Variants in GK5 observed in about 807,000 individuals in gnomAD.
GK5 encodes the protein ATP:glycerol 3-phosphotransferase 5.
In GK5, 39 loss-of-function variants were observed where a neutral mutation model predicts 77.3. That is an observed-to-expected ratio of 0.50 (90% CI 0.39 to 0.66). The LOEUF (loss-of-function observed/expected upper bound fraction) is 0.66, where lower values mean the gene tolerates loss of function less well. Ranked by LOEUF, GK5 falls within the 30% of genes least tolerant of loss-of-function variation. The probability of loss-of-function intolerance (pLI) is 0.00; values close to 1 mark genes in which losing one functional copy is unlikely to be tolerated. For synonymous variants in GK5, 211 were observed against 208.0 expected, an observed-to-expected ratio of 1.01 and a Z score of -0.13; for missense variants, 487 against 633.8, an observed-to-expected ratio of 0.77 and a Z score of 2.49.
In GK5 at chr3:142,159,853, C is replaced by CTCTCTCTCTTTTTT. The variant is rs1553825247; in HGVS notation, c.*5768_*5769insAAAAAAGAGAGAGA. 6.8e-4 allele frequency: 72 copies of CTCTCTCTCTTTTTT among 106,118 alleles called. No individual in the cohort carries two copies. Among genetic ancestry groups the CTCTCTCTCTTTTTT allele is most frequent in the African/African-American group, 2.9e-3 (70 of 24,286 alleles). The allele number at this position is 106,118 out of a possible 1,614,324, so 6.6% of individuals were successfully genotyped here. A position where few individuals can be genotyped will look rare whatever the true frequency, so the allele number is the denominator to read the frequency against. On this transcript the variant is annotated 3_prime_UTR_variant, in exon 16 of 16. Transcript: ENST00000392993. ...TTTCTCTCTCTCTCTCTCTCTCTCT[C>CTCTCTCTCTTTTTT]TTTTTTTTTTTTGAGACAGAGTCTC...
At position 142,189,125 on chromosome 3, in the gene GK5, T is replaced by C. The variant is rs546225712; in HGVS notation, c.544-1346A>G. Among the ~76,000 whole-genome samples the C allele has an allele frequency of 2.6e-5, 4 of 152,310 alleles. No homozygotes were observed. In the South Asian group the frequency reaches 8.3e-4, roughly 32 times the overall value. On this transcript the variant is annotated intron_variant, in intron 5 of 15. Coordinates refer to ENST00000392993, the MANE Select transcript of GK5 (RefSeq NM_001039547.3). ...TCTCACACCATTACTGCCTCTCTACTAGACCCTTAGCTCTTTAAGGGCAGG... is the reference window on the plus strand; with the variant it reads ...TCTCACACCATTACTGCCTCTCTACCAGACCCTTAGCTCTTTAAGGGCAGG...
intron 11 of GK5, among the ~76,000 whole-genome samples, chr3:142,178,299 A>T (rs995877474): frequency 6.6e-6 from 1 of 152,218 alleles, no homozygotes; most frequent in Non-Finnish European, 1.5e-5. Flanking sequence ...ATAATACCCA[A>T]GAAAATTAAC....
intron 3 of GK5, among the ~76,000 whole-genome samples, chr3:142,207,968 C>A (rs1161550935): frequency 6.6e-6 from 1 of 152,188 alleles, no homozygotes; most frequent in East Asian, 1.9e-4. Context: ...ATCATGAGTA[C>A]AAATCAGAGG....
Position 142,215,792 on chromosome 3 carries a change from TTTA to T in GK5, c.148-103_148-101del. On this transcript the variant is annotated intron_variant, in intron 1 of 15. Transcript: ENST00000392993. ...TACTGGTTAAAATAATTAACATGAT[TTTA>T]TTATCTAATTAATTTTTATTGTTAA... is the stretch of plus-strand genomic sequence containing the variant. 5 of 594,858 alleles carry T rather than the reference TTTA, an allele frequency of 8.4e-6. No homozygotes were observed. The South Asian group carries it at 1.2e-4, about 14-fold the overall frequency. The allele number at this position is 594,858 out of a possible 1,614,324, so 36.8% of individuals were successfully genotyped here.
intron 5 of GK5, among the ~76,000 whole-genome samples, chr3:142,195,151 T>C (rs9829836): frequency 0.22 from 33,495 of 151,934 alleles, 4,111 homozygotes; most frequent in African/African-American, 0.34. Context: ...TTTATTCTAT[T>C]AATATGGTGT....
At chr3:142,222,015 T>C (rs1055029438) in intron 1 of GK5, among the ~76,000 whole-genome samples, 4 of 152,244 alleles carry the variant, frequency 2.6e-5, no homozygotes, top group Admixed American at 1.3e-4. Flanking sequence ...TTTAGGTTTC[T>C]ATTATACATT....
At chr3:142,213,919 T>C (rs765101205) in intron 2 of GK5, among the ~76,000 whole-genome samples, 2 of 152,022 alleles carry the variant, frequency 1.3e-5, no homozygotes, top group Non-Finnish European at 2.9e-5. Flanking sequence ...GCCTCCCGGG[T>C]TCAAGCAATT....
rs755121876 is a variant in GK5, at chr3:142,216,146, C to T, written c.148-454G>A. ...TAAAAAGTATATGGCAGCAGGTGGACTGGGGAAGTAGATAAGAATTCAGGT... is the reference window on the plus strand; with the variant it reads ...TAAAAAGTATATGGCAGCAGGTGGATTGGGGAAGTAGATAAGAATTCAGGT... On this transcript the variant is annotated intron_variant, in intron 1 of 15. Transcript: ENST00000392993. 1.7e-4 allele frequency among the ~76,000 whole-genome samples: 26 copies of T among 152,206 alleles called. 1 individual carries two copies. The highest frequency in any genetic ancestry group is 3.7e-4 in the Non-Finnish European group (25 of 68,010).
At chr3:142,200,158 T>C (rs1023996005) in intron 4 of GK5, among the ~76,000 whole-genome samples, 6 of 151,936 alleles carry the variant, frequency 3.9e-5, no homozygotes, top group Non-Finnish European at 7.4e-5. Context: ...GTTTTTGGTT[T>C]TTTTTGAGAC....
intron 14 of GK5, among the ~76,000 whole-genome samples, chr3:142,170,937 AT>A (rs2108780664): frequency 6.6e-6 from 1 of 152,244 alleles, no homozygotes; most frequent in Non-Finnish European, 1.5e-5. Context: ...ATGACCAAGA[AT>A]TTTGTTGTAG....
intron 3 of GK5, among the ~76,000 whole-genome samples, chr3:142,207,724 C>G (rs1340055270): frequency 6.6e-6 from 1 of 152,128 alleles, no homozygotes. Context: ...AAGGCGGTGA[C>G]CCCCCTGGAC....
intron 12 of GK5, among the ~76,000 whole-genome samples, chr3:142,176,677 T>A (rs1032674451): frequency 5.0e-5 from 7 of 138,644 alleles, no homozygotes; most frequent in African/African-American, 1.7e-4. Context: ...TTTTTTTTTT[T>A]TTTTTGAGAC....
In GK5 at chr3:142,186,510, G is replaced by A. The variant is rs759878859; in HGVS notation, c.623C>T (p.Ser208Phe). 3 of 1,498,358 alleles carry A rather than the reference G, an allele frequency of 2.0e-6. No homozygotes were observed. In the South Asian group the frequency reaches 3.8e-5, roughly 19 times the overall value. 92.8% of individuals were successfully genotyped at this position (1,498,358 alleles called of 1,614,324 possible). The stretch of plus-strand genomic sequence containing the variant: ...ATTTGAAAAATCTGTGGCATATACA[G>A]AACCTAAATTTAAATAGGAAATAAT... ...TWLLYKLTKG[S>F]VYATDFSNAS... The change falls in exon 7 of 16, where the codon TCT (serine) becomes TTT (phenylalanine). Residue 208 changes from serine to phenylalanine, a missense_variant. Physicochemically the swap from Ser to Phe is radical, Grantham distance 155 (BLOSUM62 -2). Coordinates refer to ENST00000392993, the MANE Select transcript of GK5 (RefSeq NM_001039547.3).
At chr3:142,199,902 C>G (rs1049833751) in intron 4 of GK5, among the ~76,000 whole-genome samples, 1 of 151,908 alleles carries the variant, frequency 6.6e-6, no homozygotes, top group Non-Finnish European at 1.5e-5. Context: ...TTTTGTTAAT[C>G]CTACCTCACT....
At chr3:142,225,006 A>T (rs1022451092) in intron 1 of GK5, among the ~76,000 whole-genome samples, 1 of 152,184 alleles carries the variant, frequency 6.6e-6, no homozygotes, top group Non-Finnish European at 1.5e-5. Flanking sequence ...AGTCCCATCC[A>T]GGTAAGGCCG....
chr3:142,213,088 C>A (rs2064217649), intron 3 of GK5, among the ~76,000 whole-genome samples: 1 of 152,056 alleles, frequency 6.6e-6, no homozygotes, highest in Non-Finnish European at 1.5e-5. Flanking sequence ...CCCACCTCGG[C>A]CTCCCAAAGT....
At chr3:142,177,454 A>G (rs536647968) in intron 12 of GK5, 28 bp downstream of exon 12, 2 of 1,259,360 alleles carry the variant, frequency 1.6e-6, no homozygotes, top group East Asian at 4.6e-5. Context: ...AATATTTGTG[A>G]TTGCCATTAA....
chr3:142,216,003 T>TA (rs1007207211), intron 1 of GK5, among the ~76,000 whole-genome samples: 80 of 152,158 alleles, frequency 5.3e-4, no homozygotes, highest in African/African-American at 1.9e-3. Flanking sequence ...AAATAAATTT[T>TA]AAAAAAAGTG....
chr3:142,210,066 A>G (rs2064171349), intron 3 of GK5, among the ~76,000 whole-genome samples: 1 of 152,182 alleles, frequency 6.6e-6, no homozygotes, highest in African/African-American at 2.4e-5. Context: ...TTGGAAAAAA[A>G]GCTTAACCTG....
Sources: gnomAD v4.1 joint callset for allele counts (sites outside exome capture counted in the v4.1 genomes callset) on GRCh38, gnomAD v4.1.1 for gene constraint, MANE v1.5 for transcripts, NCBI Gene and HGNC (gene_info 2026-07-23, HGNC 2026-07-21) for gene names.